Variants in PTPN4 observed in about 807,000 individuals in gnomAD.
PTPN4 encodes protein tyrosine phosphatase non-receptor type 4.
Under a neutral mutation model 135.5 loss-of-function variants are expected in PTPN4, and 49 were observed. The observed-to-expected ratio is 0.36, with a 90% CI of 0.29 to 0.46. The LOEUF (loss-of-function observed/expected upper bound fraction) is 0.46. Among genes scored for constraint, PTPN4 ranks in the 20% least tolerant of loss-of-function variants. The pLI, the probability that PTPN4 is intolerant of heterozygous loss-of-function variation, is 1.00. For missense variants in PTPN4, 860 were observed against 1,101.0 expected (o/e 0.78, Z 3.10); for synonymous variants, 333 against 369.9 (o/e 0.90, Z 1.14).
At chr2:119,798,430 G>A (rs1691303128) in intron 1 of PTPN4, among the ~76,000 whole-genome samples, 1 of 152,192 alleles carries the variant, frequency 6.6e-6, no homozygotes, top group South Asian at 2.1e-4. Flanking sequence ...GCCTCCCAAA[G>A]TGTTGGGATT....
intron 23 of PTPN4, 65 bp downstream of exon 23, chr2:119,961,018 T>C: frequency 7.0e-7 from 1 of 1,438,544 alleles, no homozygotes; most frequent in Non-Finnish European, 9.3e-7. Context: ...ACATATGTAG[T>C]CAAAATATTC....
intron 19 of PTPN4, among the ~76,000 whole-genome samples, chr2:119,952,971 C>G (rs1679230767): frequency 1.3e-5 from 2 of 152,186 alleles, no homozygotes; most frequent in African/African-American, 4.8e-5. Flanking sequence ...TCACTCTGTG[C>G]TATGCATTAT....
chr2:119,911,975 CAT>C (rs146865189), intron 10 of PTPN4, among the ~76,000 whole-genome samples: 3,956 of 152,250 alleles, frequency 0.026, 83 homozygotes, highest in African/African-American at 0.069. Flanking sequence ...GACTTGCACA[CAT>C]GTGTTCAAAG....
chr2:119,767,068 A>C (rs1012739075), intron 1 of PTPN4, among the ~76,000 whole-genome samples: 1 of 152,226 alleles, frequency 6.6e-6, no homozygotes, highest in African/African-American at 2.4e-5. Context: ...GAATCGCCTT[A>C]AACTAATTTT....
At chr2:119,852,455 T>TACAC (rs879437094) in intron 2 of PTPN4, among the ~76,000 whole-genome samples, 11 of 152,230 alleles carry the variant, frequency 7.2e-5, no homozygotes, top group Admixed American at 2.0e-4. Flanking sequence ...ATTTTCTGTT[T>TACAC]AGGTGCGGGT....
At chr2:119,897,810 A>G (rs936251755) in intron 9 of PTPN4, among the ~76,000 whole-genome samples, 3 of 152,348 alleles carry the variant, frequency 2.0e-5, no homozygotes, top group African/African-American at 7.2e-5. Context: ...AACATTTTCT[A>G]GTAATATGAC....
At chr2:119,821,605 T>C (rs940992824) in intron 2 of PTPN4, among the ~76,000 whole-genome samples, 1 of 152,334 alleles carries the variant, frequency 6.6e-6, no homozygotes, top group Admixed American at 6.5e-5. Flanking sequence ...ATCTGGATGT[T>C]GATAGGCACT....
At chr2:119,788,996 C>T (rs1474880792) in intron 1 of PTPN4, among the ~76,000 whole-genome samples, 2 of 152,122 alleles carry the variant, frequency 1.3e-5, no homozygotes, top group Admixed American at 1.3e-4. Context: ...AACAACTCTA[C>T]TGTTTTCCAC....
intron 1 of PTPN4, among the ~76,000 whole-genome samples, chr2:119,800,174 C>T (rs950474981): frequency 1.3e-5 from 2 of 152,170 alleles, no homozygotes; most frequent in Non-Finnish European, 2.9e-5. Flanking sequence ...TCCTCTACCT[C>T]CCACTTGTAG....
At chr2:119,784,696 A>ATTTTT (rs58879330) in intron 1 of PTPN4, among the ~76,000 whole-genome samples, 14 of 110,134 alleles carry the variant, frequency 1.3e-4, no homozygotes, top group African/African-American at 3.0e-4. Context: ...TGCCCAGCTA[A>ATTTTT]TTTTTTTTTT....
chr2:119,824,464 C>T (rs973464044), intron 2 of PTPN4, among the ~76,000 whole-genome samples: 7 of 152,216 alleles, frequency 4.6e-5, no homozygotes, highest in East Asian at 1.9e-4. Context: ...TACAGGCACA[C>T]GGTAGTGTTT....
intron 10 of PTPN4, among the ~76,000 whole-genome samples, chr2:119,905,851 T>A (rs1678480304): frequency 6.6e-6 from 1 of 151,946 alleles, no homozygotes; most frequent in South Asian, 2.1e-4. Flanking sequence ...AACAACACTC[T>A]CCTGAAAGAC....
intron 2 of PTPN4, among the ~76,000 whole-genome samples, chr2:119,851,420 CAAG>C (rs929458059): frequency 6.6e-6 from 1 of 152,116 alleles, no homozygotes; most frequent in African/African-American, 2.4e-5. Context: ...AAGTGGGCAC[CAAG>C]AAGGTCAAGT....
chr2:119,946,482 A>G (rs372408444), intron 17 of PTPN4, 36 bp from the exon 18 acceptor site: 104 of 1,592,994 alleles, frequency 6.5e-5, no homozygotes, highest in Non-Finnish European at 8.3e-5. Flanking sequence ...TATTTTGGTA[A>G]TATTTGACTA....
At chr2:119,793,017 T>A (rs565955797) in intron 1 of PTPN4, among the ~76,000 whole-genome samples, 2 of 152,316 alleles carry the variant, frequency 1.3e-5, no homozygotes, top group African/African-American at 4.8e-5. Context: ...CATGTCCCAC[T>A]GTGTGCGCAT....
rs541395300 is a variant in PTPN4 at position 119,902,071 on chromosome 2, G to A, written c.764+1265G>A. On this transcript the variant is annotated intron_variant, in intron 10 of 26. Coordinates refer to ENST00000263708, the MANE Select transcript of PTPN4 (RefSeq NM_002830.4). ...TCATGACAGCCACCGAATCACAGATGCAGAAAGTTCAGAGAATACCTAGCA... is the reference window on the plus strand; with the variant it reads ...TCATGACAGCCACCGAATCACAGATACAGAAAGTTCAGAGAATACCTAGCA... Among the ~76,000 whole-genome samples, 46 of 152,320 alleles carry A rather than the reference G, an allele frequency of 3.0e-4. No individual in the cohort carries two copies. The South Asian group carries it at 9.5e-3, about 32-fold the overall frequency.
At chr2:119,908,940 T>G (rs751873967) in intron 10 of PTPN4, among the ~76,000 whole-genome samples, 1 of 152,130 alleles carries the variant, frequency 6.6e-6, no homozygotes, top group Non-Finnish European at 1.5e-5. Flanking sequence ...GCCACAGCAT[T>G]CCCTTAAGCT....
chr2:119,843,229 T>C (rs1677409074), intron 2 of PTPN4, among the ~76,000 whole-genome samples: 1 of 149,570 alleles, frequency 6.7e-6, no homozygotes, highest in African/African-American at 2.5e-5. Flanking sequence ...TTTTTTTTTT[T>C]TTTTTTTTTG....
At chr2:119,767,889 T>C (rs1265033390) in intron 1 of PTPN4, among the ~76,000 whole-genome samples, 3 of 152,204 alleles carry the variant, frequency 2.0e-5, no homozygotes, top group Non-Finnish European at 4.4e-5. Flanking sequence ...TGTGAAGTTA[T>C]CGTTTTTTTC....
Sources: gnomAD v4.1 joint callset for allele counts (sites outside exome capture counted in the v4.1 genomes callset) on GRCh38, gnomAD v4.1.1 for gene constraint, MANE v1.5 for transcripts, NCBI Gene and HGNC (gene_info 2026-07-23, HGNC 2026-07-21) for gene names.